Variants in AGBL4 observed in about 807,000 individuals in gnomAD.
AGBL4 encodes cytosolic carboxypeptidase 6.
A neutral mutation model predicts 66.4 loss-of-function variants in AGBL4; 58 were observed. The observed-to-expected ratio is 0.87, with a 90% CI of 0.71 to 1.09. The LOEUF is 1.09. Ranked by LOEUF, AGBL4 falls within the 50% of genes least tolerant of loss-of-function variation. AGBL4 has a pLI of 0.00. For synonymous variants in AGBL4, 234 were observed against 222.9 expected, an observed-to-expected ratio of 1.05 and a Z score of -0.44; for missense variants, 579 against 631.0, an observed-to-expected ratio of 0.92 and a Z score of 0.88.
At chr1:49,923,624 C>CA (rs1355733600) in intron 1 of AGBL4, among the ~76,000 whole-genome samples, 3 of 151,662 alleles carry the variant, frequency 2.0e-5, no homozygotes, top group East Asian at 3.9e-4. Flanking sequence ...TAAGAAAAAA[C>CA]AAAATAACCC....
At chr1:48,604,289 G>T (rs1312394373) in intron 9 of AGBL4, among the ~76,000 whole-genome samples, 1 of 151,822 alleles carries the variant, frequency 6.6e-6, no homozygotes, top group Non-Finnish European at 1.5e-5. Context: ...CTGGATTGAG[G>T]GGGGGCATCC....
intron 6 of AGBL4, among the ~76,000 whole-genome samples, chr1:48,764,176 G>A (rs773022217): frequency 6.6e-6 from 1 of 152,194 alleles, no homozygotes; most frequent in Non-Finnish European, 1.5e-5. Flanking sequence ...AGGAGCATGG[G>A]AGATCACTTC....
At chr1:48,588,994 A>T (rs2200306) in intron 10 of AGBL4, among the ~76,000 whole-genome samples, 43,227 of 151,648 alleles carry the variant, frequency 0.29, 6,400 homozygotes, top group South Asian at 0.36. Context: ...GTCCCTGGAA[A>T]CTTCACCCAC....
chr1:49,570,718 T>A (rs911849026), intron 3 of AGBL4, among the ~76,000 whole-genome samples: 1 of 152,080 alleles, frequency 6.6e-6, no homozygotes, highest in African/African-American at 2.4e-5. Context: ...TATAGATTCA[T>A]GTCTTACATT....
At chr1:48,718,023 G>A (rs887567901) in intron 6 of AGBL4, among the ~76,000 whole-genome samples, 8 of 152,256 alleles carry the variant, frequency 5.3e-5, no homozygotes, top group African/African-American at 1.2e-4. Flanking sequence ...GGGAAAGGAT[G>A]TGGGGAAAGC....
At chr1:49,573,654 T>G (rs1644378295) in intron 3 of AGBL4, among the ~76,000 whole-genome samples, 1 of 152,158 alleles carries the variant, frequency 6.6e-6, no homozygotes, top group Non-Finnish European at 1.5e-5. Flanking sequence ...GTGAGAGTCT[T>G]ATATCCTCTA....
chr1:49,784,066 C>T (rs1023565618), intron 2 of AGBL4, among the ~76,000 whole-genome samples: 1 of 152,058 alleles, frequency 6.6e-6, no homozygotes, highest in African/African-American at 2.4e-5. Context: ...TGGCAGTACT[C>T]CTGAGATTGA....
chr1:48,600,968 C>T (rs1645065509), intron 9 of AGBL4, among the ~76,000 whole-genome samples: 1 of 152,168 alleles, frequency 6.6e-6, no homozygotes, highest in Admixed American at 6.5e-5. Context: ...TTCCCTTTCT[C>T]CACGTCTATG....
intron 9 of AGBL4, among the ~76,000 whole-genome samples, chr1:48,626,070 C>G (rs190825128): frequency 1.3e-5 from 2 of 152,288 alleles, no homozygotes; most frequent in South Asian, 4.1e-4. Flanking sequence ...GTCTTTATTT[C>G]CATATTGAAC....
chr1:49,871,618 T>C (rs1416905846), intron 1 of AGBL4, among the ~76,000 whole-genome samples: 1 of 152,126 alleles, frequency 6.6e-6, no homozygotes, highest in Non-Finnish European at 1.5e-5. Flanking sequence ...TTCTTCAGTA[T>C]AATAAAATCA....
At chr1:49,815,066 T>C (rs1254215482) in intron 2 of AGBL4, among the ~76,000 whole-genome samples, 1 of 152,166 alleles carries the variant, frequency 6.6e-6, no homozygotes, top group Non-Finnish European at 1.5e-5. Flanking sequence ...ACAACAAAGT[T>C]ATTATTGACT....
chr1:49,280,456 G>A (rs893996194), intron 3 of AGBL4, among the ~76,000 whole-genome samples: 5 of 152,122 alleles, frequency 3.3e-5, no homozygotes, highest in South Asian at 2.1e-4. Flanking sequence ...TGTCAGTCAC[G>A]GGGCTACAGT....
chr1:49,119,164 AT>A (rs535252642), intron 4 of AGBL4, among the ~76,000 whole-genome samples: 1 of 152,016 alleles, frequency 6.6e-6, no homozygotes, highest in East Asian at 1.9e-4. Flanking sequence ...GGATTCATTG[AT>A]TTTTTGAAGG....
At chr1:49,506,940 ATATTCACACCCTT>A (rs1648744246) in intron 3 of AGBL4, among the ~76,000 whole-genome samples, 1 of 151,928 alleles carries the variant, frequency 6.6e-6, no homozygotes, top group African/African-American at 2.4e-5. Flanking sequence ...ATACCTCCCC[ATATTCACACCCTT>A]ATGTACTCCT....
intron 5 of AGBL4, among the ~76,000 whole-genome samples, chr1:48,940,532 G>C (rs1925422): frequency 0.086 from 13,102 of 152,230 alleles, 687 homozygotes; most frequent in East Asian, 0.17. Flanking sequence ...GCTACAAGTA[G>C]TGTTTTGGGA....
intron 4 of AGBL4, among the ~76,000 whole-genome samples, chr1:49,077,601 T>A (rs1644735118): frequency 6.6e-6 from 1 of 152,184 alleles, no homozygotes; most frequent in Non-Finnish European, 1.5e-5. Context: ...TATCTAGGTA[T>A]GACACAAAGT....
At chr1:49,249,946 A>C (rs1248152330) in intron 3 of AGBL4, among the ~76,000 whole-genome samples, 2 of 152,254 alleles carry the variant, frequency 1.3e-5, no homozygotes, top group Non-Finnish European at 2.9e-5. Flanking sequence ...ACTGGTGGTC[A>C]CAACATTAAG....
At chr1:49,456,938 A>G (rs531334404) in intron 3 of AGBL4, among the ~76,000 whole-genome samples, 17 of 151,404 alleles carry the variant, frequency 1.1e-4, no homozygotes, top group Non-Finnish European at 2.2e-4. Context: ...ATTCCATGCT[A>G]TATATATATA....
chr1:49,314,485 G>C (rs1645002144), intron 3 of AGBL4, among the ~76,000 whole-genome samples: 1 of 151,994 alleles, frequency 6.6e-6, no homozygotes, highest in Admixed American at 6.6e-5. Flanking sequence ...TGTGGTGTTT[G>C]ATTTTCTCTT....
Sources: allele counts gnomAD v4.1 joint callset (sites outside exome capture counted in the v4.1 genomes callset), GRCh38; gene constraint gnomAD v4.1.1; transcripts MANE v1.5; gene names NCBI Gene and HGNC (gene_info 2026-07-23, HGNC 2026-07-21).